Variants in FAM161B observed in about 807,000 individuals in gnomAD.
FAM161B encodes the protein FAM161 centrosomal protein B.
Under a neutral mutation model 61.5 loss-of-function variants are expected in FAM161B, and 46 were observed. The observed-to-expected ratio is 0.75, with a 90% confidence interval of 0.59 to 0.96. The LOEUF (loss-of-function observed/expected upper bound fraction) is 0.96, where lower values mean the gene tolerates loss of function less well. FAM161B is among the 40% of genes least tolerant of loss of function. The pLI is 0.00. For synonymous variants in FAM161B, 284 were observed against 302.7 expected (o/e 0.94, Z 0.64); for missense variants, 774 against 800.7 (o/e 0.97, Z 0.40).
In FAM161B at chr14:73,946,425, T is replaced by C. The variant is rs754340763; in HGVS notation, c.235A>G (p.Arg79Gly). The change falls in exon 2 of 9, where the codon AGA becomes GGA. Residue 79 changes from arginine to glycine, a missense_variant. Physicochemically the swap from Arg to Gly is moderately radical, Grantham distance 125. Coordinates refer to ENST00000286544, the MANE Select transcript of FAM161B (RefSeq NM_152445.3). Reference sequence around the variant, plus strand: ...AAGAGAGACTCCAACAGACACCATCTCCCTTTCTGCTTCAGTTCCTGTAAG... The same window carrying C: ...AAGAGAGACTCCAACAGACACCATCCCCCTTTCTGCTTCAGTTCCTGTAAG... ...QNLQELKQKGRWCLLESLFQS... is the reference protein window; with the variant it reads ...QNLQELKQKGGWCLLESLFQS... 3.9e-5 allele frequency: 63 copies of C among 1,614,024 alleles called. No homozygotes were observed. The highest frequency in any genetic ancestry group is 4.9e-5 in the Non-Finnish European group (58 of 1,180,018).
At chr14:73,941,414 G>A (rs189052118) in intron 4 of FAM161B, among the ~76,000 whole-genome samples, 252 of 152,074 alleles carry the variant, frequency 1.7e-3, no homozygotes, top group African/African-American at 5.5e-3. Flanking sequence ...GAACTACCGC[G>A]CCCAGCCATT....
At chr14:73,926,627 CTTTTACCA>C (rs554887473), downstream of FAM161B, among the ~76,000 whole-genome samples, 109 of 152,060 alleles carry the variant, frequency 7.2e-4, 1 homozygote, top group African/African-American at 2.6e-3. Context: ...TAGAGACGGG[CTTTTACCA>C]TGTTGGCCAG....
At chr14:73,945,416 T>A (rs2056058005) in intron 2 of FAM161B, among the ~76,000 whole-genome samples, 1 of 152,184 alleles carries the variant, frequency 6.6e-6, no homozygotes, top group African/African-American at 2.4e-5. Context: ...AATGCTTCCC[T>A]GTATTTTTTT....
At chr14:73,949,923 T>C in intron 1 of FAM161B, 50 bp downstream of exon 1, 1 of 1,607,794 alleles carries the variant, frequency 6.2e-7, no homozygotes, top group Non-Finnish European at 8.5e-7. Context: ...CGCCCAACAG[T>C]TTCCTCTCCG....
rs1371817924 is a variant in FAM161B, at chr14:73,940,833, TCTGATAA to T, written c.1400+86_1400+92del. 3.3e-6 allele frequency: 5 copies of T among 1,499,870 alleles called. No homozygotes were observed. The African/African-American group carries it at 7.0e-5, about 21-fold the overall frequency. 92.9% of individuals were successfully genotyped at this position (1,499,870 alleles called of 1,614,324 possible). On this transcript the variant is annotated intron_variant, in intron 5 of 8. Coordinates refer to ENST00000286544, the MANE Select transcript of FAM161B (RefSeq NM_152445.3). Reference sequence around the variant, plus strand: ...ATTCCCTTTGACCCCTTGAGGTATCTCTGATAACAGGAAAGGAGGCCCCTTGGCAGGG... The same window carrying T: ...ATTCCCTTTGACCCCTTGAGGTATCTCAGGAAAGGAGGCCCCTTGGCAGGG...
chr14:73,945,704 G>C (rs898328725), intron 2 of FAM161B, among the ~76,000 whole-genome samples: 5 of 151,388 alleles, frequency 3.3e-5, no homozygotes, highest in Non-Finnish European at 7.4e-5. Context: ...GCTGGAATTA[G>C]AGGCGTAAAC....
chr14:73,938,237 T>C lies in FAM161B; in HGVS notation c.1401-125A>G, dbSNP rs374398771. On this transcript the variant is annotated intron_variant, in intron 5 of 8. Coordinates refer to ENST00000286544, the MANE Select transcript of FAM161B (RefSeq NM_152445.3). ...ACTTTGGGAGGCCAAGGCAGGTGGA[T>C]CACCTGAGGTCAGGAGTCCAAGACC... The C allele has an allele frequency of 2.2e-4, 232 of 1,049,808 alleles. 2 individuals are homozygous for C. In the African/African-American group the frequency reaches 3.5e-3, roughly 16 times the overall value. 65.0% of individuals were successfully genotyped at this position (1,049,808 alleles called of 1,614,324 possible).
chr14:73,938,658 G>C (rs1594775989), intron 5 of FAM161B, among the ~76,000 whole-genome samples: 1 of 148,694 alleles, frequency 6.7e-6, no homozygotes, highest in South Asian at 2.2e-4. Flanking sequence ...TGTAGTCCCA[G>C]CTACTCGGGA....
At chr14:73,929,813 T>TAA (rs376052758), downstream of FAM161B, among the ~76,000 whole-genome samples, 4 of 145,112 alleles carry the variant, frequency 2.8e-5, no homozygotes, top group African/African-American at 1.0e-4. Context: ...CCAAACTCTT[T>TAA]AAAAAAAAAA....
At chr14:73,943,314 TC>T (rs1000198495) in intron 3 of FAM161B, among the ~76,000 whole-genome samples, 36 of 152,280 alleles carry the variant, frequency 2.4e-4, no homozygotes, top group East Asian at 1.9e-4. Flanking sequence ...TGGCTCAACA[TC>T]CCTCCAGTCT....
chr14:73,949,276 AT>A (rs34835084), intron 1 of FAM161B, among the ~76,000 whole-genome samples: 1 of 151,478 alleles, frequency 6.6e-6, no homozygotes, highest in Non-Finnish European at 1.5e-5. Flanking sequence ...CTAATTTTGT[AT>A]TTTTTTTAGT....
chr14:73,924,671 CTCTTT>C, the FAM161B span: 81 of 445,938 alleles, frequency 1.8e-4, no homozygotes, highest in Middle Eastern at 2.1e-3. Flanking sequence ...GTCTTTTCTC[CTCTTT>C]TCTTTTCTTT....
downstream of FAM161B, chr14:73,932,125 C>T (rs949999481): frequency 2.2e-5 from 9 of 417,742 alleles, no homozygotes; most frequent in Middle Eastern, 4.5e-4. Flanking sequence ...ACTATCTTGT[C>T]CTATACACTT....
At position 73,944,442 on chromosome 14, in the gene FAM161B, C is replaced by G. The variant is rs538605891; in HGVS notation, c.818G>C (p.Arg273Pro). 6 of 1,613,672 alleles carry G rather than the reference C, an allele frequency of 3.7e-6. No homozygotes were observed. In the South Asian group the frequency reaches 6.6e-5, roughly 18 times the overall value. Reference sequence around the variant, plus strand: ...AGCTGTGGCTGCCAAGTCTCTCTGTCGAGCAGCTTCCTTTAGCTGCTCCTC... The same window carrying G: ...AGCTGTGGCTGCCAAGTCTCTCTGTGGAGCAGCTTCCTTTAGCTGCTCCTC... The part of the protein sequence containing the change: ...EKEEQLKEAA[R>P]QRDLAATAEA... The change falls in exon 3 of 9, where the codon CGA (arginine) becomes CCA (proline). Residue 273 changes from arginine (R) to proline (P), a missense_variant. Coordinates refer to ENST00000286544, the MANE Select transcript of FAM161B (RefSeq NM_152445.3).
chr14:73,937,540 T>C, intron 7 of FAM161B, 62 bp downstream of exon 7: 1 of 1,493,918 alleles, frequency 6.7e-7, no homozygotes, highest in South Asian at 1.2e-5. Context: ...AAAATTGTTT[T>C]GTAATTTTTC....
rs1280358895 is a variant in FAM161B, at chr14:73,944,824, G to A, written c.436C>T (p.Gln146Ter). Residue 146 changes from glutamine (Q) to a stop codon, truncating the protein, a stop_gained, in exon 3 of 9, where the codon CAG becomes TAG. Transcript: ENST00000286544. LOFTEE classifies it high-confidence loss of function. ...NNLPSNIPRP[Q>*]TQPPSGSRPP... is the part of the protein sequence containing the mutation. Reference sequence around the variant, plus strand: ...CGGGAGCCTGAGGGTGGCTGGGTCTGAGGCCTGGGAATGTTGGAGGGAAGG... The same window carrying A: ...CGGGAGCCTGAGGGTGGCTGGGTCTAAGGCCTGGGAATGTTGGAGGGAAGG... 2 of 1,548,304 alleles carry A rather than the reference G, an allele frequency of 1.3e-6. No homozygotes were observed. Among genetic ancestry groups the A allele is most frequent in the Admixed American group, 4.1e-5 (2 of 49,028 alleles).
intron 1 of FAM161B, 184 bp downstream of exon 1, chr14:73,949,789 A>G (rs1263655122): frequency 9.2e-6 from 7 of 762,896 alleles, no homozygotes; most frequent in Non-Finnish European, 1.2e-5. Context: ...TTGCCTATCA[A>G]GAGCCTCGTA....
At chr14:73,924,677 T>G in the FAM161B span, 1 of 446,744 alleles carries the variant, frequency 2.2e-6, no homozygotes, top group Non-Finnish European at 4.5e-6. Flanking sequence ...TCTCCTCTTT[T>G]CTTTTCTTTT....
In FAM161B at chr14:73,934,084, A is replaced by C; in HGVS notation, c.*172T>G. 3.0e-6 allele frequency: 2 copies of C among 675,902 alleles called. No homozygotes were observed. Among genetic ancestry groups the C allele is most frequent in the Non-Finnish European group, 4.6e-6 (2 of 430,938 alleles). The allele number at this position is 675,902 out of a possible 1,614,324, so 41.9% of individuals were successfully genotyped here. A position where few individuals can be genotyped will look rare whatever the true frequency, so the allele number is the denominator to read the frequency against. On this transcript the variant is annotated 3_prime_UTR_variant, in exon 9 of 9. Transcript: ENST00000286544. ...TGATCTGCCTGCCTCAGCCTCCCAA[A>C]GTGTTGGGATTACAGGCGTGAGCCA...
Sources: allele counts gnomAD v4.1 joint callset (sites outside exome capture counted in the v4.1 genomes callset), GRCh38; gene constraint gnomAD v4.1.1; transcripts MANE v1.5; gene names NCBI Gene and HGNC (gene_info 2026-07-23, HGNC 2026-07-21).